RBFOX3: variants seen among roughly 807,000 people sequenced by gnomAD.
The protein encoded by RBFOX3 is RNA binding protein fox-1 homolog 3.
A neutral mutation model predicts 48.7 loss-of-function variants in RBFOX3; 17 were observed. The observed-to-expected ratio is 0.35, with a 90% CI of 0.24 to 0.52. RBFOX3 has a LOEUF of 0.52. Among genes scored for constraint, RBFOX3 ranks in the 20% least tolerant of loss-of-function variants. The pLI, the probability that RBFOX3 is intolerant of heterozygous loss-of-function variation, is 0.94. For synonymous variants in RBFOX3, 212 were observed against 209.5 expected, an observed-to-expected ratio of 1.01 and a Z score of -0.10; for missense variants, 382 against 497.5, an observed-to-expected ratio of 0.77 and a Z score of 2.21.
chr17:79,153,878 T>C (rs933235713), intron 4 of RBFOX3, among the ~76,000 whole-genome samples: 1 of 152,140 alleles, frequency 6.6e-6, no homozygotes, highest in Non-Finnish European at 1.5e-5. Context: ...CGGCTGCCCA[T>C]GGTGGTCTCC....
chr17:79,288,552 G>A (rs567406569), intron 3 of RBFOX3, among the ~76,000 whole-genome samples: 5 of 151,890 alleles, frequency 3.3e-5, no homozygotes, highest in African/African-American at 1.2e-4. Flanking sequence ...TGCAAAACGT[G>A]ATGGGCAGTT....
chr17:79,400,716 C>CTG (rs1315872657), intron 2 of RBFOX3, among the ~76,000 whole-genome samples: 1 of 152,254 alleles, frequency 6.6e-6, no homozygotes, highest in Non-Finnish European at 1.5e-5. Flanking sequence ...GCAGCAGCTC[C>CTG]TGCTCTAATG....
In RBFOX3 at chr17:79,198,630, CT is replaced by C. The variant is rs11310195; in HGVS notation, c.-34+37135del. Among the ~76,000 whole-genome samples, 140,789 of 147,352 alleles carry C rather than the reference CT, an allele frequency of 0.96. 67,381 individuals carry two copies. Among genetic ancestry groups the C allele is most frequent in the South Asian group, 0.99 (4,567 of 4,624 alleles). On this transcript the variant is annotated intron_variant, in intron 4 of 14. Coordinates refer to ENST00000693108, the MANE Select transcript of RBFOX3 (RefSeq NM_001350451.2). This position sits in a 1 kb window ranked among gnomAD's most constrained non-coding sequence, Gnocchi z 8.2. ...CCCTGCTTTTGAACTTTCTCTCTCTCTTTTTTTTTTTTTAAGATGGAGTCTT... is the reference window on the plus strand; with the variant it reads ...CCCTGCTTTTGAACTTTCTCTCTCTCTTTTTTTTTTTTAAGATGGAGTCTT...
At chr17:79,449,622 A>AACACACACACACACACACACACAC (rs57480439) in intron 2 of RBFOX3, among the ~76,000 whole-genome samples, 1,812 of 144,552 alleles carry the variant, frequency 0.013, 14 homozygotes, top group African/African-American at 0.019. Flanking sequence ...TGCACACATA[A>AACACACACACACACACACACACAC]ACACACACAC....
chr17:79,116,224 C>T (rs751364477), intron 4 of RBFOX3, among the ~76,000 whole-genome samples: 2 of 152,224 alleles, frequency 1.3e-5, no homozygotes, highest in Non-Finnish European at 2.9e-5. Flanking sequence ...ATGAGGACTA[C>T]TGCTCTTCCC....
At chr17:79,463,211 A>G (rs1169348970) in intron 2 of RBFOX3, among the ~76,000 whole-genome samples, 2 of 142,234 alleles carry the variant, frequency 1.4e-5, no homozygotes, top group African/African-American at 5.3e-5. Context: ...CGCCACTGCC[A>G]CCTCCACTGC....
At chr17:79,317,905 A>G (rs958366986) in intron 2 of RBFOX3, among the ~76,000 whole-genome samples, 3 of 152,184 alleles carry the variant, frequency 2.0e-5, no homozygotes, top group African/African-American at 4.8e-5. Context: ...CTCAAGTAAC[A>G]TGCTAACTTC....
At chr17:79,245,522 C>T (rs766884679) in intron 3 of RBFOX3, among the ~76,000 whole-genome samples, 24 of 148,592 alleles carry the variant, frequency 1.6e-4, no homozygotes, top group Non-Finnish European at 2.9e-5. Context: ...ACACTGTTCA[C>T]CCATTCCCAC....
chr17:79,645,822 C>A, the RBFOX3 span, among the ~76,000 whole-genome samples: 2 of 152,250 alleles, frequency 1.3e-5, no homozygotes, highest in African/African-American at 4.8e-5. Flanking sequence ...ACCTGGCAGG[C>A]AGATGGGGTA....
Position 79,199,779 on chromosome 17 carries a change from C to T in RBFOX3, c.-34+35987G>A, listed in dbSNP as rs2056428814. Among the ~76,000 whole-genome samples the T allele has an allele frequency of 6.6e-6, 1 of 152,152 alleles. No homozygotes were observed. The highest frequency in any genetic ancestry group is 6.5e-5 in the Admixed American group (1 of 15,270). ...ATTTCTGAAGCACGCTGAACAAACC[C>T]ACCCTGATGCTCCAGTCTGTCAGGA... is the stretch of plus-strand genomic sequence containing the variant. On this transcript the variant is annotated intron_variant, in intron 4 of 14. Coordinates refer to ENST00000693108, the MANE Select transcript of RBFOX3 (RefSeq NM_001350451.2). The surrounding 1 kb of genome is among the most constrained non-coding windows in gnomAD (Gnocchi z 5.1).
intron 2 of RBFOX3, among the ~76,000 whole-genome samples, chr17:79,467,443 T>C (rs1328628363): frequency 6.6e-6 from 1 of 152,176 alleles, no homozygotes; most frequent in Non-Finnish European, 1.5e-5. Context: ...TTTAAGATGA[T>C]CCCTCTCTTG....
chr17:79,228,364 G>A (rs1367930062), intron 4 of RBFOX3, among the ~76,000 whole-genome samples: 1 of 152,122 alleles, frequency 6.6e-6, no homozygotes, highest in Non-Finnish European at 1.5e-5. Flanking sequence ...AAATTACTCT[G>A]CCCAAGCGGA....
chr17:79,552,140 A>G (rs1317758810), intron 1 of RBFOX3, among the ~76,000 whole-genome samples: 4 of 152,220 alleles, frequency 2.6e-5, no homozygotes, highest in African/African-American at 9.7e-5. Flanking sequence ...TGTGGGTAGC[A>G]GAATGGAAAG....
In RBFOX3 at chr17:79,304,452, T is replaced by A. The variant is rs147907612; in HGVS notation, c.-74+3272A>T. Among the ~76,000 whole-genome samples, 389 of 150,250 alleles carry A rather than the reference T, an allele frequency of 2.6e-3. 2 individuals carry two copies. The highest frequency in any genetic ancestry group is 8.7e-3 in the African/African-American group (356 of 41,082). ...TTTGATATATATGTGTATATATATA[T>A]AAATATATAGCATGATCCTGCTTTT... On this transcript the variant is annotated intron_variant, in intron 3 of 14. Transcript: ENST00000693108.
At chr17:79,336,877 C>T (rs2081275858) in intron 2 of RBFOX3, among the ~76,000 whole-genome samples, 1 of 151,830 alleles carries the variant, frequency 6.6e-6, no homozygotes, top group Admixed American at 6.6e-5. Context: ...CCCAGCACTT[C>T]GGGAGGCAGA....
chr17:79,656,813 AAGAG>A, the RBFOX3 span, among the ~76,000 whole-genome samples: 236 of 73,604 alleles, frequency 3.2e-3, 6 homozygotes, highest in Non-Finnish European at 4.7e-3. Flanking sequence ...AAAGAAAAGA[AAGAG>A]AAAGAAAGAA....
intron 4 of RBFOX3, among the ~76,000 whole-genome samples, chr17:79,210,008 A>AC (rs1191733411): frequency 6.6e-6 from 1 of 151,646 alleles, no homozygotes; most frequent in Non-Finnish European, 1.5e-5. Context: ...AAAAAAAAAA[A>AC]AAAAGAAAGA....
the RBFOX3 span, among the ~76,000 whole-genome samples, chr17:79,639,497 A>G: frequency 6.6e-6 from 1 of 152,168 alleles, no homozygotes; most frequent in Non-Finnish European, 1.5e-5. Flanking sequence ...TTATGAGGCT[A>G]GCATCACCCT....
chr17:79,162,596 T>G (rs367576870), intron 4 of RBFOX3, among the ~76,000 whole-genome samples: 255 of 152,376 alleles, frequency 1.7e-3, no homozygotes, highest in African/African-American at 5.7e-3. Context: ...GAAGCGGGGC[T>G]ATAATAAAAT....
Sources: allele counts gnomAD v4.1 joint callset (sites outside exome capture counted in the v4.1 genomes callset), GRCh38; gene constraint gnomAD v4.1.1; non-coding constraint Gnocchi (gnomAD v3.1); transcripts MANE v1.5; gene names NCBI Gene and HGNC (gene_info 2026-07-23, HGNC 2026-07-21).